DGKB: variants seen among roughly 807,000 people sequenced by gnomAD.
The protein encoded by DGKB is diacylglycerol kinase beta.
DGKB carries 67 observed loss-of-function variants against 114.3 expected under a neutral mutation model. That is an observed-to-expected ratio of 0.59 (90% CI 0.48 to 0.72). DGKB has a LOEUF of 0.72. Among genes scored for constraint, DGKB ranks in the 30% least tolerant of loss-of-function variants. The pLI is 0.00. For synonymous variants in DGKB, 398 were observed against 323.1 expected (o/e 1.23, Z -2.49); for missense variants, 907 against 975.2 (o/e 0.93, Z 0.93).
chr7:14,151,318 T>TTA lies in DGKB; in HGVS notation c.2305-2082_2305-2081dup, dbSNP rs1321403788. Among the ~76,000 whole-genome samples, 318 of 151,820 alleles carry TTA rather than the reference T, an allele frequency of 2.1e-3. 11 individuals carry two copies. The highest frequency in any genetic ancestry group is 0.02 in the Admixed American group (304 of 15,174). The stretch of plus-strand genomic sequence containing the variant: ...GAAAGAAATATATCTTCCTAGCCAT[T>TTA]TATATATATATGTTAGTATCAATTT... On this transcript the variant is annotated intron_variant, in intron 25 of 25. Transcript: ENST00000402815.
At chr7:14,167,850 C>T (rs1182954834) in intron 25 of DGKB, among the ~76,000 whole-genome samples, 1 of 152,118 alleles carries the variant, frequency 6.6e-6, no homozygotes, top group Non-Finnish European at 1.5e-5. Flanking sequence ...ATTAACATTT[C>T]CTGTGAGAAT....
At chr7:14,925,035 T>C (rs560033013) in intron 1 of DGKB, among the ~76,000 whole-genome samples, 1 of 152,336 alleles carries the variant, frequency 6.6e-6, no homozygotes, top group South Asian at 2.1e-4. Flanking sequence ...AGGTAACTTA[T>C]AATGATTGGC....
chr7:14,564,078 C>G (rs1584837387), intron 20 of DGKB, among the ~76,000 whole-genome samples: 1 of 152,124 alleles, frequency 6.6e-6, no homozygotes, highest in African/African-American at 2.4e-5. Context: ...CATGGAGCTA[C>G]TTTTTATTTA....
At chr7:14,681,367 A>G (rs571932808) in intron 12 of DGKB, among the ~76,000 whole-genome samples, 3 of 151,994 alleles carry the variant, frequency 2.0e-5, no homozygotes, top group Non-Finnish European at 4.4e-5. Flanking sequence ...AAAGTACTTA[A>G]TTGTATTTTT....
chr7:14,156,388 G>A (rs1049720148), intron 25 of DGKB, among the ~76,000 whole-genome samples: 2 of 152,014 alleles, frequency 1.3e-5, no homozygotes, highest in African/African-American at 4.8e-5. Flanking sequence ...AAATGATTTC[G>A]GCTTTGTGGT....
At position 14,316,828 on chromosome 7, in the gene DGKB, C is replaced by T. The variant is rs1403510855; in HGVS notation, c.2122+21687G>A. On this transcript the variant is annotated intron_variant, in intron 23 of 25. Coordinates refer to ENST00000402815, the MANE Select transcript of DGKB (RefSeq NM_001350709.2). ...ATATCAAAGCCGGGCAGAGACACAACCAAAAAAGAGAATTTTAGACCAATA... is the reference window on the plus strand; with the variant it reads ...ATATCAAAGCCGGGCAGAGACACAATCAAAAAAGAGAATTTTAGACCAATA... Among the ~76,000 whole-genome samples the T allele has an allele frequency of 1.1e-3, 167 of 149,308 alleles. 3 individuals carry two copies. The highest frequency in any genetic ancestry group is 4.1e-3 in the African/African-American group (164 of 40,188).
intron 1 of DGKB, among the ~76,000 whole-genome samples, chr7:14,880,687 A>T (rs1297480598): frequency 1.3e-5 from 2 of 152,192 alleles, no homozygotes; most frequent in African/African-American, 4.8e-5. Context: ...TCGTAGCTAT[A>T]ATTGTGAAGT....
At position 14,289,011 on chromosome 7, in the gene DGKB, C is replaced by G. The variant is rs12669366; in HGVS notation, c.2122+49504G>C. Among the ~76,000 whole-genome samples, 84 of 152,210 alleles carry G rather than the reference C, an allele frequency of 5.5e-4. No individual in the cohort carries two copies. The East Asian group carries it at 0.016, about 28-fold the overall frequency. ...GTGACAACGACAGAGTTTTGGAATA[C>G]TGTTTGTAGCATGCTGTTCTTTGGC... On this transcript the variant is annotated intron_variant, in intron 23 of 25. Transcript: ENST00000402815.
intron 13 of DGKB, among the ~76,000 whole-genome samples, chr7:14,661,048 T>C (rs1816961450): frequency 6.6e-6 from 1 of 150,546 alleles, no homozygotes; most frequent in Non-Finnish European, 1.5e-5. Flanking sequence ...TATACAAAAA[T>C]CAATTCAAGA....
chr7:14,718,637 G>C lies in DGKB; in HGVS notation c.371C>G (p.Pro124Arg). Residue 124 changes from proline (P) to arginine (R), a missense_variant, in exon 6 of 26, where the codon CCT (proline) becomes CGT (arginine). Physicochemically the swap from Pro to Arg is moderately radical, Grantham distance 103. This residue lies in a region of DGKB where 814 missense variants were observed against 856.6 expected (regional missense o/e 0.95). Coordinates refer to ENST00000402815, the MANE Select transcript of DGKB (RefSeq NM_001350709.2). ...GAITPPRTTS[P>R]ANTCSPEVIH... The stretch of plus-strand genomic sequence containing the variant: ...TACTTCTGGGGAACACGTATTTGCA[G>C]GAGAAGTAGTCCGGGGAGGGGTGAT... 1.2e-6 allele frequency: 2 copies of C among 1,612,352 alleles called. No individual in the cohort carries two copies. Among genetic ancestry groups the C allele is most frequent in the Non-Finnish European group, 1.7e-6 (2 of 1,178,798 alleles).
chr7:14,354,340 A>G (rs1294612006), intron 21 of DGKB, among the ~76,000 whole-genome samples: 1 of 152,192 alleles, frequency 6.6e-6, no homozygotes, highest in Non-Finnish European at 1.5e-5. Context: ...TTTAAAAAAT[A>G]AGAGGGCACT....
chr7:14,206,543 C>A (rs1454283454), intron 23 of DGKB, among the ~76,000 whole-genome samples: 2 of 151,966 alleles, frequency 1.3e-5, no homozygotes, highest in African/African-American at 4.8e-5. Flanking sequence ...AATACCTGGG[C>A]ATATGACCTT....
intron 21 of DGKB, among the ~76,000 whole-genome samples, chr7:14,349,006 A>G (rs1367148023): frequency 2.6e-5 from 4 of 152,082 alleles, no homozygotes; most frequent in Non-Finnish European, 5.9e-5. Flanking sequence ...GTTTATTAGC[A>G]GAGGGGTGAC....
intron 13 of DGKB, among the ~76,000 whole-genome samples, chr7:14,650,045 A>C (rs1219684034): frequency 1.3e-5 from 2 of 152,044 alleles, no homozygotes; most frequent in African/African-American, 4.8e-5. Context: ...GCATTAATAA[A>C]GGGAGACTTT....
Position 14,240,524 on chromosome 7 carries a change from G to T in DGKB, c.2123-62373C>A, listed in dbSNP as rs116448992. 4.1e-3 allele frequency among the ~76,000 whole-genome samples: 631 copies of T among 152,116 alleles called. 6 individuals carry two copies. Among genetic ancestry groups the T allele is most frequent in the Non-Finnish European group, 6.3e-3 (431 of 67,958 alleles). On this transcript the variant is annotated intron_variant, in intron 23 of 25. Transcript: ENST00000402815. Reference sequence around the variant, plus strand: ...AGTTCATACTTCCAGATCATTATCAGAGCTGTCCCTGTGACCATGGTGTAA... The same window carrying T: ...AGTTCATACTTCCAGATCATTATCATAGCTGTCCCTGTGACCATGGTGTAA...
rs754087921 is a variant in DGKB at position 14,958,426 on chromosome 7, AACACACACACACACACACAC to A, written c.-188+16250_-188+16269del. On this transcript the variant is annotated intron_variant, in intron 1 of 4. Transcript: ENST00000437998. ...CAAACCCCACACCAATACCTCTCCC[AACACACACACACACACACAC>A]ACACACACACACACACACACACACA... Among the ~76,000 whole-genome samples the A allele has an allele frequency of 3.8e-4, 47 of 122,858 alleles. 1 individual carries two copies. The highest frequency in any genetic ancestry group is 1.9e-3 in the Admixed American group (23 of 11,964). 80.6% of individuals were successfully genotyped at this position (122,858 alleles called of 152,430 possible).
At chr7:14,922,828 C>T (rs1287099532) in intron 1 of DGKB, among the ~76,000 whole-genome samples, 3 of 151,066 alleles carry the variant, frequency 2.0e-5, no homozygotes, top group African/African-American at 4.8e-5. Context: ...ACACCATACC[C>T]ATCACTTCAC....
intron 1 of DGKB, among the ~76,000 whole-genome samples, chr7:14,909,908 A>G (rs1475758458): frequency 6.6e-6 from 1 of 152,154 alleles, no homozygotes; most frequent in Non-Finnish European, 1.5e-5. Flanking sequence ...TGCTTTAAAT[A>G]ATCAAAATCA....
chr7:14,614,677 A>G (rs1806196556), intron 15 of DGKB, among the ~76,000 whole-genome samples: 1 of 152,106 alleles, frequency 6.6e-6, no homozygotes, highest in African/African-American at 2.4e-5. Flanking sequence ...GAGAATAGGC[A>G]ATGGGGAAAT....
Sources: gnomAD v4.1 joint callset for allele counts (sites outside exome capture counted in the v4.1 genomes callset) on GRCh38, gnomAD v4.1.1 for gene constraint, gnomAD v4.1.1 regional missense constraint, MANE v1.5 for transcripts, NCBI Gene and HGNC (gene_info 2026-07-23, HGNC 2026-07-21) for gene names.